The following DIDO1 variants were observed in gnomAD, a reference collection of about 807,000 sequenced individuals.
DIDO1 encodes death-inducer obliterator 1.
Under a neutral mutation model 99.4 loss-of-function variants are expected in DIDO1, and 16 were observed. That is an observed-to-expected ratio of 0.16 (90% CI 0.11 to 0.24). DIDO1 has a LOEUF of 0.24. Ranked by LOEUF, DIDO1 falls within the 10% of genes least tolerant of loss-of-function variation. The pLI is 1.00. For synonymous variants in DIDO1, 1,366 were observed against 1,239.1 expected, an observed-to-expected ratio of 1.10 and a Z score of -2.15; for missense variants, 2,996 against 3,014.0, an observed-to-expected ratio of 0.99 and a Z score of 0.14.
chr20:62,923,548 G>A (rs1443879705), intron 1 of DIDO1, among the ~76,000 whole-genome samples: 1 of 152,294 alleles, frequency 6.6e-6, no homozygotes, highest in Non-Finnish European at 1.5e-5. Context: ...AGTGAGAGCC[G>A]CAGACAAGCC....
At position 62,894,512 on chromosome 20, in the gene DIDO1, T is replaced by C. The variant is rs1600940606; in HGVS notation, c.2473A>G (p.Ser825Gly). ...QESARAVPEKSTAPLLDVFSS... is the reference protein window; with the variant it reads ...QESARAVPEKGTAPLLDVFSS... ...AAGACGTCGAGAAGCGGCGCTGTGC[T>C]CTTCTCAGGGACAGCACGTGCTGAC... The change falls in exon 11 of 16, where the codon AGC (serine) becomes GGC (glycine). Residue 825 changes from serine to glycine, a missense_variant. Around this residue, in one of 5 missense-constraint regions of DIDO1, gnomAD observed 898 missense variants for 972.7 expected, o/e 0.92. Coordinates refer to ENST00000395343, the MANE Select transcript of DIDO1 (RefSeq NM_001193369.2). This position sits in a 1 kb window ranked among gnomAD's most constrained non-coding sequence, Gnocchi z 4.4. 3 of 1,612,992 alleles carry C rather than the reference T, an allele frequency of 1.9e-6. No homozygotes were observed. The highest frequency in any genetic ancestry group is 2.2e-5 in the East Asian group (1 of 44,878).
intron 15 of DIDO1, among the ~76,000 whole-genome samples, chr20:62,886,192 G>A (rs2064295251): frequency 6.6e-6 from 1 of 152,204 alleles, no homozygotes; most frequent in African/African-American, 2.4e-5. Context: ...GAGCAACCAG[G>A]GACCAGGGCC....
Position 62,879,886 on chromosome 20 carries a change from TG to T in DIDO1, c.6069del (p.Arg2024GlyfsTer250). Reference sequence around the variant, plus strand: ...TGGCTGGGAAGCTCCAGCAGGGGCCTGGGGCCCGGCTTCATCACCTGCGGGG... The same window carrying T: ...TGGCTGGGAAGCTCCAGCAGGGGCCTGGGCCCGGCTTCATCACCTGCGGGG... ...GQAPQVMKPG[P>X]RPLLELPSHP... On this transcript the variant is annotated frameshift_variant, in exon 16 of 16. Coordinates refer to ENST00000395343, the MANE Select transcript of DIDO1 (RefSeq NM_001193369.2). LOFTEE classifies it low-confidence loss of function (END_TRUNC). The surrounding 1 kb of genome is among the most constrained non-coding windows in gnomAD (Gnocchi z 6.3). The T allele has an allele frequency of 1.3e-6, 2 of 1,588,018 alleles. No homozygotes were observed. Among genetic ancestry groups the T allele is most frequent in the Middle Eastern group, 1.7e-4 (1 of 5,878 alleles).
chr20:62,932,368 T>C (rs761528799), intron 1 of DIDO1, among the ~76,000 whole-genome samples: 7 of 152,248 alleles, frequency 4.6e-5, no homozygotes, highest in African/African-American at 7.2e-5. Flanking sequence ...AACAGCTGCA[T>C]GCATACAAAT....
At chr20:62,901,218 C>A (rs950508208) in intron 6 of DIDO1, among the ~76,000 whole-genome samples, 1 of 152,218 alleles carries the variant, frequency 6.6e-6, no homozygotes, top group East Asian at 1.9e-4. Context: ...GACGCCCTTG[C>A]AGGGTCCACA....
At chr20:62,921,632 ATTTTT>A (rs34536561) in intron 1 of DIDO1, among the ~76,000 whole-genome samples, 1 of 133,716 alleles carries the variant, frequency 7.5e-6, no homozygotes. Flanking sequence ...GCTGCAGCCA[ATTTTT>A]TTTTTTTTTT....
intron 1 of DIDO1, among the ~76,000 whole-genome samples, chr20:62,933,398 A>G (rs1194117640): frequency 6.6e-6 from 1 of 152,232 alleles, no homozygotes; most frequent in Non-Finnish European, 1.5e-5. Context: ...TGGGTTTATC[A>G]ATTATCCTGA....
chr20:62,910,451 A>G (rs1190066803), intron 3 of DIDO1, among the ~76,000 whole-genome samples: 3 of 152,200 alleles, frequency 2.0e-5, no homozygotes, highest in Non-Finnish European at 4.4e-5. Context: ...GCAGTCTCAG[A>G]CAGACCCCGG....
intron 6 of DIDO1, among the ~76,000 whole-genome samples, chr20:62,898,144 C>T (rs2064579327): frequency 6.6e-6 from 1 of 152,214 alleles, no homozygotes; most frequent in Admixed American, 6.5e-5. Flanking sequence ...AATCAAACCG[C>T]ACTCCTCCCC....
In DIDO1 at chr20:62,909,794, T is replaced by G; in HGVS notation, c.1066A>C (p.Ile356Leu). The change falls in exon 4 of 16, where the codon ATA becomes CTA. Residue 356 changes from isoleucine to leucine, a missense_variant. This residue lies in a region of DIDO1 where 898 missense variants were observed against 972.7 expected (regional missense o/e 0.92). Transcript: ENST00000395343. ...DGTDCTSIGT[I>L]EQKSSEDQGI... Reference sequence around the variant, plus strand: ...TGGTCTTCGCTAGACTTCTGCTCTATTGTTCCTATACTTGTACAATCGGTG... The same window carrying G: ...TGGTCTTCGCTAGACTTCTGCTCTAGTGTTCCTATACTTGTACAATCGGTG... The G allele has an allele frequency of 6.2e-7, 1 of 1,614,276 alleles. No homozygotes were observed. Among genetic ancestry groups the G allele is most frequent in the Non-Finnish European group, 8.5e-7 (1 of 1,180,048 alleles).
intron 6 of DIDO1, among the ~76,000 whole-genome samples, chr20:62,904,688 G>C (rs1052299274): frequency 6.8e-6 from 1 of 148,024 alleles, no homozygotes; most frequent in African/African-American, 2.5e-5. Flanking sequence ...GGCTGAGGTA[G>C]GAGAATCATT....
chr20:62,894,306 T>C lies in DIDO1; in HGVS notation c.2572+107A>G. Reference sequence around the variant, plus strand: ...CAGGGCAGGAAATCATTCTGGCCCTTCTGCGTGTTTAAGCTTACGTGCGGT... The same window carrying C: ...CAGGGCAGGAAATCATTCTGGCCCTCCTGCGTGTTTAAGCTTACGTGCGGT... On this transcript the variant is annotated intron_variant, in intron 11 of 15. Transcript: ENST00000395343. The surrounding 1 kb of genome is among the most constrained non-coding windows in gnomAD (Gnocchi z 4.4). 4 of 1,574,388 alleles carry C rather than the reference T, an allele frequency of 2.5e-6. No individual in the cohort carries two copies. Among genetic ancestry groups the C allele is most frequent in the Non-Finnish European group, 3.4e-6 (4 of 1,159,840 alleles).
At chr20:62,924,784 T>G (rs918808294) in intron 1 of DIDO1, among the ~76,000 whole-genome samples, 7 of 152,178 alleles carry the variant, frequency 4.6e-5, no homozygotes, top group Non-Finnish European at 8.8e-5. Context: ...CAAATTATCT[T>G]ATTTGTGCCC....
Position 62,892,968 on chromosome 20 carries a change from A to G in DIDO1, c.3102-6T>C. ...GGGAACGTGATTCTGAAGTGCTGTAAAACAAAACCATAAAAAAAAAGTCAA... is the reference window on the plus strand; with the variant it reads ...GGGAACGTGATTCTGAAGTGCTGTAGAACAAAACCATAAAAAAAAAGTCAA... On this transcript the variant is annotated splice_polypyrimidine_tract_variant and splice_region_variant and intron_variant, in intron 12 of 15. Coordinates refer to ENST00000395343, the MANE Select transcript of DIDO1 (RefSeq NM_001193369.2). 2 of 1,600,114 alleles carry G rather than the reference A, an allele frequency of 1.2e-6. No homozygotes were observed. The highest frequency in any genetic ancestry group is 8.5e-7 in the Non-Finnish European group (1 of 1,172,176).
chr20:62,925,851 G>C (rs1231157340), intron 1 of DIDO1, among the ~76,000 whole-genome samples: 1 of 152,194 alleles, frequency 6.6e-6, no homozygotes, highest in African/African-American at 2.4e-5. Flanking sequence ...ACCAGCGCGG[G>C]GAGGTAAGGA....
chr20:62,894,586 T>A lies in DIDO1; in HGVS notation c.2437-38A>T, dbSNP rs1030627392. 2 of 1,593,980 alleles carry A rather than the reference T, an allele frequency of 1.3e-6. No homozygotes were observed. Among genetic ancestry groups the A allele is most frequent in the African/African-American group, 1.3e-5 (1 of 74,502 alleles). On this transcript the variant is annotated intron_variant, in intron 10 of 15. Coordinates refer to ENST00000395343, the MANE Select transcript of DIDO1 (RefSeq NM_001193369.2). The surrounding 1 kb of genome is among the most constrained non-coding windows in gnomAD (Gnocchi z 4.4). The stretch of plus-strand genomic sequence containing the variant: ...AAGAAAAAAAAGTGAGGTCGTTTCT[T>A]CTCCAAACTCAGCTCCAAATTAACC...
At chr20:62,887,504 G>A in intron 15 of DIDO1, 1 of 985,470 alleles carries the variant, frequency 1.0e-6, no homozygotes, top group Non-Finnish European at 1.2e-6. Context: ...CAGCTACAGA[G>A]GGCGGTGTTT....
Position 62,909,680 on chromosome 20 carries a change from TC to T in DIDO1, c.1161+18del. The T allele has an allele frequency of 9.3e-6, 15 of 1,610,122 alleles. No homozygotes were observed. The highest frequency in any genetic ancestry group is 1.2e-5 in the Non-Finnish European group (14 of 1,176,898). On this transcript the variant is annotated intron_variant, in intron 4 of 15. Transcript: ENST00000395343. Reference sequence around the variant, plus strand: ...TGAGGCCGACTGCTGAATGCTCGTCTCAGCGGACAAACACTTACAGGCTGGA... The same window carrying T: ...TGAGGCCGACTGCTGAATGCTCGTCTAGCGGACAAACACTTACAGGCTGGA...
At chr20:62,937,087 A>AT (rs2065396358) in intron 1 of DIDO1, among the ~76,000 whole-genome samples, 1 of 152,244 alleles carries the variant, frequency 6.6e-6, no homozygotes. Context: ...CGACCGACAT[A>AT]GCTTACACGT....
Sources: allele counts gnomAD v4.1 joint callset (sites outside exome capture counted in the v4.1 genomes callset), GRCh38; gene constraint gnomAD v4.1.1; regional missense constraint gnomAD v4.1.1; non-coding constraint Gnocchi (gnomAD v3.1); transcripts MANE v1.5; gene names NCBI Gene and HGNC (gene_info 2026-07-23, HGNC 2026-07-21).